NPAS3: variants seen among roughly 807,000 people sequenced by gnomAD.
The protein encoded by NPAS3 is neuronal PAS domain-containing protein 3.
In NPAS3, 14 loss-of-function variants were observed where a neutral mutation model predicts 73.1. That is an observed-to-expected ratio of 0.19 (90% CI 0.13 to 0.30). The LOEUF is 0.30. Ranked by LOEUF, NPAS3 falls within the 10% of genes least tolerant of loss-of-function variation. The pLI is 1.00. For missense variants in NPAS3, 1,096 were observed against 1,250.0 expected (o/e 0.88, Z 1.86); for synonymous variants, 620 against 541.5 (o/e 1.14, Z -2.01).
chr14:33,636,553 A>C (rs765603196), intron 5 of NPAS3, among the ~76,000 whole-genome samples: 1 of 152,182 alleles, frequency 6.6e-6, no homozygotes, highest in Non-Finnish European at 1.5e-5. Context: ...GTAGTCACTC[A>C]CTTACGTGGT....
At chr14:33,177,066 A>AT (rs2045613025) in intron 2 of NPAS3, among the ~76,000 whole-genome samples, 1 of 92,010 alleles carries the variant, frequency 1.1e-5, no homozygotes, top group Non-Finnish European at 2.3e-5. Flanking sequence ...TAGGCTGTTT[A>AT]TCTTTTTATT....
chr14:33,715,755 G>A (rs1382724630), intron 6 of NPAS3, among the ~76,000 whole-genome samples: 2 of 152,154 alleles, frequency 1.3e-5, no homozygotes, highest in African/African-American at 4.8e-5. Flanking sequence ...CATCTTAACT[G>A]TAGCTCCCAT....
intron 1 of NPAS3, among the ~76,000 whole-genome samples, chr14:33,032,362 A>G (rs1352559574): frequency 1.3e-5 from 2 of 152,180 alleles, no homozygotes; most frequent in African/African-American, 2.4e-5. Context: ...GAGAAGACCA[A>G]TTAGAAGGTA....
At chr14:33,035,158 A>G (rs1234117956) in intron 1 of NPAS3, among the ~76,000 whole-genome samples, 1 of 152,214 alleles carries the variant, frequency 6.6e-6, no homozygotes, top group East Asian at 1.9e-4. Context: ...TTGCATATAA[A>G]TTAAGCTTAG....
At chr14:33,679,884 T>TTA (rs2059884331) in intron 6 of NPAS3, among the ~76,000 whole-genome samples, 1 of 152,192 alleles carries the variant, frequency 6.6e-6, no homozygotes, top group East Asian at 1.9e-4. Context: ...AATAAATATT[T>TTA]TATATGTATG....
chr14:33,581,945 T>C (rs1289246420), intron 5 of NPAS3: 1 of 152,206 alleles, frequency 6.6e-6, no homozygotes, highest in East Asian at 1.9e-4. Flanking sequence ...TTTCTATAGG[T>C]GTGCCATTTA....
chr14:33,258,148 G>A (rs2048844570), intron 3 of NPAS3, among the ~76,000 whole-genome samples: 1 of 152,194 alleles, frequency 6.6e-6, no homozygotes. Flanking sequence ...TGTAATCCCA[G>A]CACTTTGGCA....
intron 5 of NPAS3, among the ~76,000 whole-genome samples, chr14:33,616,508 C>G (rs1298780867): frequency 6.6e-6 from 1 of 152,190 alleles, no homozygotes; most frequent in Non-Finnish European, 1.5e-5. Flanking sequence ...CTGTCAGACT[C>G]TGAAATCATA....
chr14:33,015,503 A>G (rs561369206), intron 1 of NPAS3, among the ~76,000 whole-genome samples: 1 of 152,354 alleles, frequency 6.6e-6, no homozygotes, highest in East Asian at 1.9e-4. Context: ...GGTTTTAAGC[A>G]GAAAACTAAA....
intron 2 of NPAS3, among the ~76,000 whole-genome samples, chr14:33,175,968 A>G (rs2045575461): frequency 6.6e-6 from 1 of 152,194 alleles, no homozygotes; most frequent in Admixed American, 6.5e-5. Flanking sequence ...GGAATTTAAA[A>G]ATGCTTGCTA....
At chr14:33,453,552 T>G (rs74348032) in intron 4 of NPAS3, among the ~76,000 whole-genome samples, 4,566 of 152,280 alleles carry the variant, frequency 0.03, 69 homozygotes, top group Middle Eastern at 0.065. Flanking sequence ...CTGATAATGA[T>G]GATCAGTCTT....
intron 2 of NPAS3, among the ~76,000 whole-genome samples, chr14:33,152,447 G>A (rs11156783): frequency 0.31 from 46,810 of 151,904 alleles, 7,412 homozygotes; most frequent in East Asian, 0.47. Context: ...GGATGACTCA[G>A]ATATGGTGTC....
chr14:32,962,569 C>CTTTTTTTTTT (rs71432096), intron 1 of NPAS3, among the ~76,000 whole-genome samples: 12 of 110,610 alleles, frequency 1.1e-4, no homozygotes, highest in Admixed American at 2.0e-4. Flanking sequence ...TTTTTCTTTT[C>CTTTTTTTTTT]TTTTTTTTTT....
chr14:33,415,116 C>A (rs1317600478), intron 4 of NPAS3, among the ~76,000 whole-genome samples: 1 of 152,108 alleles, frequency 6.6e-6, no homozygotes, highest in Non-Finnish European at 1.5e-5. Flanking sequence ...AGGTGAGCAA[C>A]CTCCATGCAG....
At chr14:33,487,473 C>T (rs2051666791) in intron 4 of NPAS3, among the ~76,000 whole-genome samples, 1 of 152,124 alleles carries the variant, frequency 6.6e-6, no homozygotes, top group Non-Finnish European at 1.5e-5. Flanking sequence ...ATTACAGGAG[C>T]TTGGAGATTA....
At chr14:33,297,589 G>A (rs2042353414) in intron 3 of NPAS3, among the ~76,000 whole-genome samples, 1 of 152,012 alleles carries the variant, frequency 6.6e-6, no homozygotes, top group South Asian at 2.1e-4. Flanking sequence ...GCTAGTATAG[G>A]CAAATATAAA....
At chr14:33,706,334 A>T (rs1261156766) in intron 6 of NPAS3, among the ~76,000 whole-genome samples, 1 of 152,216 alleles carries the variant, frequency 6.6e-6, no homozygotes, top group African/African-American at 2.4e-5. Context: ...TATCTTTAGA[A>T]TATCCATGTA....
intron 3 of NPAS3, among the ~76,000 whole-genome samples, chr14:33,287,258 A>G (rs1222995194): frequency 6.6e-6 from 1 of 152,174 alleles, no homozygotes; most frequent in Non-Finnish European, 1.5e-5. Context: ...GTTGTTAAAC[A>G]TGAAGTTTTA....
chr14:33,298,741 A>G (rs1262120916), intron 3 of NPAS3, among the ~76,000 whole-genome samples: 1 of 152,196 alleles, frequency 6.6e-6, no homozygotes, highest in Admixed American at 6.5e-5. Flanking sequence ...TTTAATAAAA[A>G]AGTGATATTT....
Sources: gnomAD v4.1 joint callset for allele counts (sites outside exome capture counted in the v4.1 genomes callset) on GRCh38, gnomAD v4.1.1 for gene constraint, MANE v1.5 for transcripts, NCBI Gene and HGNC (gene_info 2026-07-23, HGNC 2026-07-21) for gene names.